The following FAM47A variants were observed in gnomAD, a reference collection of about 807,000 sequenced individuals.
The protein encoded by FAM47A is family with sequence similarity 47 member A, also known as protein FAM47A.
Under a neutral mutation model 2.6 loss-of-function variants are expected in FAM47A, and 1 was observed. The ratio of observed to expected loss-of-function variants is 0.39; its 90% confidence interval spans 0.14 to 1.83. The LOEUF (loss-of-function observed/expected upper bound fraction) is 1.83, where lower values mean the gene tolerates loss of function less well. Among genes scored for constraint, FAM47A ranks in the 40% most tolerant of loss-of-function variants. The pLI is 0.32. For missense variants in FAM47A, 657 were observed against 673.1 expected (o/e 0.98, Z 0.26); for synonymous variants, 278 against 270.1 (o/e 1.03, Z -0.29).
chrX:34,131,243 G>C lies in FAM47A; in HGVS notation c.1036C>G (p.Arg346Gly), dbSNP rs375564986. The change falls in exon 1 of 1, where the codon CGG becomes GGG. Residue 346 changes from arginine to glycine, a missense_variant. Transcript: ENST00000346193. ...GGCTCCGAGCGGAGACTGGACCCCC[G>C]ACGAGTCTTGGAATGCTCTAGGCGG... is the stretch of plus-strand genomic sequence containing the variant. ...HLRLEHSKTRRGSSLRSEPSE... is the reference protein window; with the variant it reads ...HLRLEHSKTRGGSSLRSEPSE... 16 of 1,207,028 alleles carry C rather than the reference G, an allele frequency of 1.3e-5. No homozygotes were observed. In the African/African-American group the frequency reaches 2.8e-4, roughly 21 times the overall value.
At position 34,129,754 on chromosome X, in the gene FAM47A, A is replaced by G; in HGVS notation, c.*149T>C. 1 of 429,221 alleles carries G rather than the reference A, an allele frequency of 2.3e-6. No individual in the cohort carries two copies. Among genetic ancestry groups the G allele is most frequent in the Non-Finnish European group, 3.9e-6 (1 of 255,946 alleles). The allele number at this position is 429,221 out of a possible 1,213,427, so 35.4% of individuals were successfully genotyped here. A position where few individuals can be genotyped will look rare whatever the true frequency, so the allele number is the denominator to read the frequency against. ...ATATATGAAATAATGAAGCCAAAGC[A>G]GTTCATTAAGAAATATTGATAAACA... is the stretch of plus-strand genomic sequence containing the variant. On this transcript the variant is annotated 3_prime_UTR_variant, in exon 1 of 1. Coordinates refer to ENST00000346193, the MANE Select transcript of FAM47A (RefSeq NM_203408.4).
Position 34,130,897 on chromosome X carries a change from G to A in FAM47A, c.1382C>T (p.Ser461Phe), listed in dbSNP as rs752456861. 3.7e-5 allele frequency: 45 copies of A among 1,203,889 alleles called. No individual in the cohort carries two copies. The highest frequency in any genetic ancestry group is 4.6e-4 in the Middle Eastern group (2 of 4,345). The change falls in exon 1 of 1, where the codon TCC (serine) becomes TTC (phenylalanine). Residue 461 changes from serine to phenylalanine, a missense_variant. By Grantham distance (155) the Ser-to-Phe change is radical (BLOSUM62 -2). Coordinates refer to ENST00000346193, the MANE Select transcript of FAM47A (RefSeq NM_203408.4). Reference sequence around the variant, plus strand: ...CTGCAGGCAGGGTTCCCCACAAGGGGATTTATGAGGCTCGGTGGGTTCCTT... The same window carrying A: ...CTGCAGGCAGGGTTCCCCACAAGGGAATTTATGAGGCTCGGTGGGTTCCTT... ...KTKEPTEPHK[S>F]PCGEPCLQPP...
At position 34,130,074 on chromosome X, in the gene FAM47A, T is replaced by G. The variant is rs1336588385; in HGVS notation, c.2205A>C (p.Gly735=). 3 of 1,210,760 alleles carry G rather than the reference T, an allele frequency of 2.5e-6. No individual in the cohort carries two copies. The highest frequency in any genetic ancestry group is 2.2e-6 in the Non-Finnish European group (2 of 895,218). The change falls in exon 1 of 1, where the codon GGA becomes GGC. Residue 735 remains glycine, a synonymous_variant. Coordinates refer to ENST00000346193, the MANE Select transcript of FAM47A (RefSeq NM_203408.4). ...GAATGAAATCCTTAAAGGCAATTGG[T>G]CCATAAAGATCGTCAAGAACGTCAG... ...DEPDVLDDLY[G]PIAFKDFILS...
Position 34,132,173 on chromosome X carries a change from T to C in FAM47A, c.106A>G (p.Arg36Gly). Residue 36 changes from arginine to glycine, a missense_variant, in exon 1 of 1, where the codon AGG becomes GGG. Coordinates refer to ENST00000346193, the MANE Select transcript of FAM47A (RefSeq NM_203408.4). The part of the protein sequence containing the change: ...PSKCFAKCKH[R>G]RLRFPPMDTQ... ...TCCATGGGTGGGAACCTCAGGCGCC[T>C]GTGCTTGCACTTCGCGAAGCACTTG... 1 of 1,211,483 alleles carries C rather than the reference T, an allele frequency of 8.3e-7. No homozygotes were observed. The highest frequency in any genetic ancestry group is 1.1e-6 in the Non-Finnish European group (1 of 895,394).
Position 34,131,976 on chromosome X carries a change from C to T in FAM47A, c.303G>A (p.Ala101=). ...CTGGAGAGAGCTTGGAAAATAGGGC[C>T]GCTTTCTTGAGCAGCTTTTTCTGCC... is the stretch of plus-strand genomic sequence containing the variant. ...KSGQKKLLKK[A]ALFSKLSPAQ... The change falls in exon 1 of 1, where the codon GCG becomes GCA. Residue 101 remains alanine, a synonymous_variant. Transcript: ENST00000346193. 1 of 1,211,612 alleles carries T rather than the reference C, an allele frequency of 8.3e-7. No individual in the cohort carries two copies. The highest frequency in any genetic ancestry group is 1.1e-6 in the Non-Finnish European group (1 of 895,505).
rs1166892402 is a variant in FAM47A at position 34,130,108 on chromosome X, G to C, written c.2171C>G (p.Pro724Arg). The change falls in exon 1 of 1, where the codon CCT becomes CGT. Residue 724 changes from proline to arginine, a missense_variant. By Grantham distance (103) the Pro-to-Arg change is moderately radical (BLOSUM62 -2). Around this residue, in one of 3 missense-constraint regions of FAM47A, gnomAD observed 198 missense variants for 203.4 expected, o/e 0.97. Transcript: ENST00000346193. Reference sequence around the variant, plus strand: ...ATCGTCAAGAACGTCAGGTTCATCAGGCTTTTTAAGTAAGAGCTTGGGGTC... The same window carrying C: ...ATCGTCAAGAACGTCAGGTTCATCACGCTTTTTAAGTAAGAGCTTGGGGTC... ...LIDPKLLLKK[P>R]DEPDVLDDLY... The C allele has an allele frequency of 9.1e-6, 11 of 1,210,603 alleles. No homozygotes were observed. The highest frequency in any genetic ancestry group is 1.2e-5 in the Non-Finnish European group (11 of 895,069).
rs944993762 is a variant in FAM47A, at chrX:34,132,240, C to T, written c.39G>A (p.Pro13=). ...AGTACCAGGGCTTGGAGTCCATGCC[C>T]GGGGACCTCAGCCAGTCCTGCAGCC... ...DQRLQDWLRS[P]GMDSKPWYCN... Residue 13 remains proline (P), a synonymous_variant, in exon 1 of 1, where the codon CCG becomes CCA. Coordinates refer to ENST00000346193, the MANE Select transcript of FAM47A (RefSeq NM_203408.4). 11 of 1,188,022 alleles carry T rather than the reference C, an allele frequency of 9.3e-6. No homozygotes were observed. Among genetic ancestry groups the T allele is most frequent in the African/African-American group, 5.3e-5 (3 of 56,395 alleles).
chrX:34,131,072 G>T lies in FAM47A; in HGVS notation c.1207C>A (p.Pro403Thr). ...KTEVSHLHPV[P>T]PKTGVCHLRL... ...AGATGGCACACTCCAGTCTTGGGAG[G>T]CACTGGGTGGAGATGAGACACTTCA... The change falls in exon 1 of 1, where the codon CCT becomes ACT. Residue 403 changes from proline (P) to threonine (T), a missense_variant. Pro to Thr is a conservative substitution (Grantham distance 38). Coordinates refer to ENST00000346193, the MANE Select transcript of FAM47A (RefSeq NM_203408.4). The T allele has an allele frequency of 8.4e-7, 1 of 1,194,662 alleles. No homozygotes were observed. The highest frequency in any genetic ancestry group is 1.8e-5 in the African/African-American group (1 of 57,059).
Position 34,131,367 on chromosome X carries a change from C to T in FAM47A, c.912G>A (p.Arg304=), listed in dbSNP as rs1569241961. 6 of 1,203,855 alleles carry T rather than the reference C, an allele frequency of 5.0e-6. No individual in the cohort carries two copies. The highest frequency in any genetic ancestry group is 5.6e-6 in the Non-Finnish European group (5 of 893,340). Residue 304 remains arginine, a synonymous_variant, in exon 1 of 1, where the codon CGG becomes CGA. Transcript: ENST00000346193. The part of the protein sequence containing the change: ...GKYPCGKFCP[R]PFETPLSHLR... The stretch of plus-strand genomic sequence containing the variant: ...GATGGGACAGTGGAGTCTCGAAAGG[C>T]CGAGGACAGAATTTCCCACAAGGGT...
rs1451908792 is a variant in FAM47A at position 34,131,388 on chromosome X, A to C, written c.891T>G (p.Pro297=). The C allele has an allele frequency of 8.3e-7, 1 of 1,203,402 alleles. No individual in the cohort carries two copies. The highest frequency in any genetic ancestry group is 2.2e-5 in the Admixed American group (1 of 44,978). ...TDEPTEPGKY[P]CGKFCPRPFE... ...AAGGCCGAGGACAGAATTTCCCACA[A>C]GGGTATTTACCAGGCTCTGTGGGTT... Residue 297 remains proline (P), a synonymous_variant, in exon 1 of 1, where the codon CCT becomes CCG. Coordinates refer to ENST00000346193, the MANE Select transcript of FAM47A (RefSeq NM_203408.4).
Position 34,130,626 on chromosome X carries a change from A to G in FAM47A, c.1653T>C (p.Arg551=), listed in dbSNP as rs1922424608. 3.3e-6 allele frequency: 4 copies of G among 1,210,102 alleles called. No individual in the cohort carries two copies. Among genetic ancestry groups the G allele is most frequent in the East Asian group, 3.0e-5 (1 of 33,756 alleles). ...GCTCCGGGTGGAGACTGGACACCCGACGACTCTTGGGAAGCTCCGGGCGGA... is the reference window on the plus strand; with the variant it reads ...GCTCCGGGTGGAGACTGGACACCCGGCGACTCTTGGGAAGCTCCGGGCGGA... The part of the protein sequence containing the change: ...SSLRPELPKS[R]RVSSLHPEPP... The change falls in exon 1 of 1, where the codon CGT becomes CGC. Residue 551 remains arginine, a synonymous_variant. Coordinates refer to ENST00000346193, the MANE Select transcript of FAM47A (RefSeq NM_203408.4).
In FAM47A at chrX:34,131,397, A is replaced by G; in HGVS notation, c.882T>C (p.Gly294=). Residue 294 remains glycine, a synonymous_variant, in exon 1 of 1, where the codon GGT becomes GGC. Coordinates refer to ENST00000346193, the MANE Select transcript of FAM47A (RefSeq NM_203408.4). Reference sequence around the variant, plus strand: ...GACAGAATTTCCCACAAGGGTATTTACCAGGCTCTGTGGGTTCGTCAGTTG... The same window carrying G: ...GACAGAATTTCCCACAAGGGTATTTGCCAGGCTCTGTGGGTTCGTCAGTTG... ...EKTTDEPTEP[G]KYPCGKFCPR... 1 of 1,207,456 alleles carries G rather than the reference A, an allele frequency of 8.3e-7. No homozygotes were observed.
In FAM47A at chrX:34,131,605, G is replaced by A. The variant is rs201141025; in HGVS notation, c.674C>T (p.Pro225Leu). ...PPKTPVSSLR[P>L]EPPETGVSHL... ...GGACACTCCAGTCTCAGGAGGCTCC[G>A]GGCGGAGACTGGACACCGGAGTCTT... Residue 225 changes from proline (P) to leucine (L), a missense_variant, in exon 1 of 1, where the codon CCG (proline) becomes CTG (leucine). By Grantham distance (98) the Pro-to-Leu change is moderately conservative. Transcript: ENST00000346193. 208 of 1,205,215 alleles carry A rather than the reference G, an allele frequency of 1.7e-4. 2 individuals carry two copies. In the African/African-American group the frequency reaches 1.9e-3, roughly 11 times the overall value.
chrX:34,131,350 A>C lies in FAM47A; in HGVS notation c.929T>G (p.Leu310Arg). Reference protein sequence around the residue: ...KFCPRPFETPLSHLRQEPPKT... With the variant: ...KFCPRPFETPRSHLRQEPPKT... Reference sequence around the variant, plus strand: ...GGGAGGCTCCTGGCGGAGATGGGACAGTGGAGTCTCGAAAGGCCGAGGACA... The same window carrying C: ...GGGAGGCTCCTGGCGGAGATGGGACCGTGGAGTCTCGAAAGGCCGAGGACA... Residue 310 changes from leucine to arginine, a missense_variant, in exon 1 of 1, where the codon CTG (leucine) becomes CGG (arginine). By Grantham distance (102) the Leu-to-Arg change is moderately radical. Transcript: ENST00000346193. 3.3e-6 allele frequency: 4 copies of C among 1,207,687 alleles called. No individual in the cohort carries two copies. The highest frequency in any genetic ancestry group is 4.5e-6 in the Non-Finnish European group (4 of 894,327).
At position 34,131,164 on chromosome X, in the gene FAM47A, C is replaced by T. The variant is rs773005335; in HGVS notation, c.1115G>A (p.Gly372Glu). 5 of 1,174,968 alleles carry T rather than the reference C, an allele frequency of 4.3e-6. No individual in the cohort carries two copies. In the South Asian group the frequency reaches 7.5e-5, roughly 18 times the overall value. Residue 372 changes from glycine (G) to glutamate (E), a missense_variant, in exon 1 of 1, where the codon GGG becomes GAG. By Grantham distance (98) the Gly-to-Glu change is moderately conservative. This residue lies in a region of FAM47A where 436 missense variants were observed against 414.1 expected (regional missense o/e 1.05). Transcript: ENST00000346193. The stretch of plus-strand genomic sequence containing the variant: ...GGAAGGCTCCGCGTGGAGACTGGAC[C>T]CCCGACGAGTCTTGGGAGGCGCTAG... The part of the protein sequence containing the change: ...LRLAPPKTRR[G>E]SSLHAEPSKT...
chrX:34,131,829 C>G lies in FAM47A; in HGVS notation c.450G>C (p.Leu150=), dbSNP rs200587142. The part of the protein sequence containing the change: ...DMPPDLLLQV[L]KHLDPERELE... ...GCTCCCTCTCAGGATCCAGGTGTTT[C>G]AGCACCTGTAGTAGGAGATCTGGAG... is the stretch of plus-strand genomic sequence containing the variant. The change falls in exon 1 of 1, where the codon CTG becomes CTC. Residue 150 remains leucine, a synonymous_variant. Coordinates refer to ENST00000346193, the MANE Select transcript of FAM47A (RefSeq NM_203408.4). 1 of 1,209,347 alleles carries G rather than the reference C, an allele frequency of 8.3e-7. No homozygotes were observed. Among genetic ancestry groups the G allele is most frequent in the African/African-American group, 1.8e-5 (1 of 57,104 alleles).
Position 34,130,668 on chromosome X carries a change from A to G in FAM47A, c.1611T>C (p.Thr537=), listed in dbSNP as rs1231823102. ...TSSLGPEPPK[T]RRVSSLRPEL... ...CCGGGCGGAGACTGGACACTCGACG[A>G]GTCTTGGGAGGCTCCGGACCGAGAC... Residue 537 remains threonine, a synonymous_variant, in exon 1 of 1, where the codon ACT becomes ACC. Transcript: ENST00000346193. 1.7e-6 allele frequency: 2 copies of G among 1,201,862 alleles called. No homozygotes were observed. The highest frequency in any genetic ancestry group is 3.6e-5 in the African/African-American group (2 of 55,360).
rs1359507872 is a variant in FAM47A at position 34,130,629 on chromosome X, A to G, written c.1650T>C (p.Ser550=). 1 of 1,208,298 alleles carries G rather than the reference A, an allele frequency of 8.3e-7. No individual in the cohort carries two copies. The highest frequency in any genetic ancestry group is 1.1e-6 in the Non-Finnish European group (1 of 894,447). ...CCGGGTGGAGACTGGACACCCGACG[A>G]CTCTTGGGAAGCTCCGGGCGGAGAC... ...VSSLRPELPK[S]RRVSSLHPEP... Residue 550 remains serine, a synonymous_variant, in exon 1 of 1, where the codon AGT becomes AGC. Coordinates refer to ENST00000346193, the MANE Select transcript of FAM47A (RefSeq NM_203408.4).
chrX:34,131,402 G>C lies in FAM47A; in HGVS notation c.877C>G (p.Pro293Ala). 1 of 1,209,747 alleles carries C rather than the reference G, an allele frequency of 8.3e-7. No homozygotes were observed. The highest frequency in any genetic ancestry group is 1.1e-6 in the Non-Finnish European group (1 of 894,921). Residue 293 changes from proline (P) to alanine (A), a missense_variant, in exon 1 of 1, where the codon CCT (proline) becomes GCT (alanine). Pro to Ala is a conservative substitution (Grantham distance 27). Around this residue, in one of 3 missense-constraint regions of FAM47A, gnomAD observed 436 missense variants for 414.1 expected, o/e 1.05. Transcript: ENST00000346193. ...AATTTCCCACAAGGGTATTTACCAG[G>C]CTCTGTGGGTTCGTCAGTTGTCTTC... ...REKTTDEPTEPGKYPCGKFCP... is the reference protein window; with the variant it reads ...REKTTDEPTEAGKYPCGKFCP...
Sources: allele counts gnomAD v4.1 joint callset, GRCh38; gene constraint gnomAD v4.1.1; regional missense constraint gnomAD v4.1.1; transcripts MANE v1.5; gene names NCBI Gene and HGNC (gene_info 2026-07-23, HGNC 2026-07-21).